Variants in KCNN3 observed in about 807,000 individuals in gnomAD.
KCNN3 encodes potassium calcium-activated channel subfamily N member 3, also known as small conductance calcium-activated potassium channel protein 3.
In KCNN3, 16 loss-of-function variants were observed where a neutral mutation model predicts 62.9. The ratio of observed to expected loss-of-function variants is 0.25; its 90% CI spans 0.17 to 0.39. The LOEUF (loss-of-function observed/expected upper bound fraction) is 0.39. Among genes scored for constraint, KCNN3 ranks in the 10% least tolerant of loss-of-function variants. KCNN3 has a pLI of 1.00. For synonymous variants in KCNN3, 370 were observed against 389.2 expected, an observed-to-expected ratio of 0.95 and a Z score of 0.58; for missense variants, 599 against 949.4, an observed-to-expected ratio of 0.63 and a Z score of 4.85.
At chr1:154,749,808 T>C (rs73005431) in intron 3 of KCNN3, among the ~76,000 whole-genome samples, 3,306 of 152,162 alleles carry the variant, frequency 0.022, 118 homozygotes, top group African/African-American at 0.076. Context: ...GACAGGGATA[T>C]GCACAATAAT....
chr1:154,731,695 G>T (rs1487737998), intron 4 of KCNN3, among the ~76,000 whole-genome samples: 1 of 152,092 alleles, frequency 6.6e-6, no homozygotes, highest in Non-Finnish European at 1.5e-5. Flanking sequence ...GAATCTGAGG[G>T]ATCACTGCAA....
chr1:154,810,129 G>A (rs1045089018), intron 2 of KCNN3, among the ~76,000 whole-genome samples: 1 of 152,186 alleles, frequency 6.6e-6, no homozygotes, highest in African/African-American at 2.4e-5. Context: ...GGGGAGTTTG[G>A]GTGGAAGGCT....
chr1:154,713,810 G>A (rs997337157), intron 6 of KCNN3, among the ~76,000 whole-genome samples: 121 of 151,688 alleles, frequency 8.0e-4, no homozygotes, highest in African/African-American at 2.8e-3. Context: ...CTTCCATGTT[G>A]AGTGCCTTAT....
chr1:154,715,049 T>TTTC, intron 5 of KCNN3, 46 bp from the exon 6 acceptor site: 1 of 1,611,036 alleles, frequency 6.2e-7, no homozygotes, highest in Non-Finnish European at 8.5e-7. Context: ...TTCATTTTCT[T>TTTC]AGGTTCATTT....
chr1:154,772,752 G>A lies in KCNN3; in HGVS notation c.1030-359C>T, dbSNP rs1016599443. 6.6e-5 allele frequency among the ~76,000 whole-genome samples: 10 copies of A among 152,160 alleles called. No individual in the cohort carries two copies. Among genetic ancestry groups the A allele is most frequent in the African/African-American group, 1.7e-4 (7 of 41,420 alleles). Reference sequence around the variant, plus strand: ...GCTCGGAATTTCCAAAGTGATAAGTGTCATTTGTATGCTAATGAGATGACT... The same window carrying A: ...GCTCGGAATTTCCAAAGTGATAAGTATCATTTGTATGCTAATGAGATGACT... On this transcript the variant is annotated intron_variant, in intron 2 of 7. Transcript: ENST00000271915. This position sits in a 1 kb window ranked among gnomAD's most constrained non-coding sequence, Gnocchi z 5.6.
At chr1:154,860,299 G>A (rs1443379291) in intron 1 of KCNN3, among the ~76,000 whole-genome samples, 1 of 152,160 alleles carries the variant, frequency 6.6e-6, no homozygotes, top group Admixed American at 6.5e-5. Flanking sequence ...TTCCTAGTTC[G>A]GCTCTCCCTG....
intron 1 of KCNN3, among the ~76,000 whole-genome samples, chr1:154,847,301 C>T (rs1454636111): frequency 1.3e-5 from 2 of 152,122 alleles, no homozygotes; most frequent in South Asian, 4.2e-4. Context: ...GGCCCCAGAT[C>T]CAGGGCTCTT....
chr1:154,843,473 G>A (rs1651918110), intron 1 of KCNN3, among the ~76,000 whole-genome samples: 1 of 152,062 alleles, frequency 6.6e-6, no homozygotes, highest in African/African-American at 2.4e-5. Context: ...TAATAGAGAT[G>A]GGGTCTGGCT....
Position 154,733,080 on chromosome 1 carries a change from A to G in KCNN3, c.1513T>C (p.Phe505Leu). The G allele has an allele frequency of 6.2e-7, 1 of 1,614,108 alleles. No homozygotes were observed. The highest frequency in any genetic ancestry group is 8.5e-7 in the Non-Finnish European group (1 of 1,179,950). ...ATGTCCCCATAACCAATGGAAAGGA[A>G]TGTGATGGAGATGAGCCACATGGCA... ...LGAMWLISIT[F>L]LSIGYGDMVP... Residue 505 changes from phenylalanine (F) to leucine (L), a missense_variant, in exon 4 of 8, where the codon TTC becomes CTC. Phe to Leu is a conservative substitution (Grantham distance 22). Transcript: ENST00000271915.
intron 7 of KCNN3, among the ~76,000 whole-genome samples, chr1:154,708,689 G>T (rs1700013196): frequency 6.6e-6 from 1 of 151,986 alleles, no homozygotes; most frequent in African/African-American, 2.4e-5. Flanking sequence ...GTAGGCCAGG[G>T]CTCAAGTACA....
At chr1:154,780,490 C>A (rs1648991846) in intron 2 of KCNN3, among the ~76,000 whole-genome samples, 1 of 149,662 alleles carries the variant, frequency 6.7e-6, no homozygotes, top group African/African-American at 2.4e-5. Context: ...GGGAGAAGAA[C>A]TTCCGGGAAA....
intron 3 of KCNN3, among the ~76,000 whole-genome samples, chr1:154,765,762 G>C (rs183970996): frequency 6.6e-6 from 1 of 151,274 alleles, no homozygotes; most frequent in Non-Finnish European, 1.5e-5. Flanking sequence ...TGAGTCTACA[G>C]ATGCACCACC....
At chr1:154,754,929 C>T (rs1445323193) in intron 3 of KCNN3, among the ~76,000 whole-genome samples, 3 of 152,128 alleles carry the variant, frequency 2.0e-5, no homozygotes, top group African/African-American at 7.2e-5. Flanking sequence ...TGAGTTTGAT[C>T]ACAGATTTGA....
chr1:154,840,620 T>G (rs550520715), intron 1 of KCNN3, among the ~76,000 whole-genome samples: 1 of 152,208 alleles, frequency 6.6e-6, no homozygotes, highest in African/African-American at 2.4e-5. Flanking sequence ...ACAAAACGGC[T>G]TCTCCAAGCA....
chr1:154,753,097 A>G (rs1010624466), intron 3 of KCNN3, among the ~76,000 whole-genome samples: 2 of 152,250 alleles, frequency 1.3e-5, no homozygotes, highest in Non-Finnish European at 2.9e-5. Context: ...AATACTGGTA[A>G]CTAAGTGGGA....
intron 3 of KCNN3, among the ~76,000 whole-genome samples, chr1:154,760,899 T>C (rs1647978988): frequency 7.0e-6 from 1 of 143,646 alleles, no homozygotes; most frequent in Non-Finnish European, 1.6e-5. Context: ...CGCGGCCCTG[T>C]CCACCAAGGC....
At chr1:154,715,111 T>A in intron 5 of KCNN3, 108 bp from the exon 6 acceptor site, 1 of 1,362,192 alleles carries the variant, frequency 7.3e-7, no homozygotes, top group Non-Finnish European at 1.0e-6. Context: ...TGCAATGATC[T>A]ATTTTCTTAA....
At chr1:154,713,658 G>T in intron 6 of KCNN3, 125 bp from the exon 7 acceptor site, 1 of 763,158 alleles carries the variant, frequency 1.3e-6, no homozygotes, top group East Asian at 2.6e-5. Context: ...CGTGAACCTG[G>T]GGAACAACTG....
Position 154,822,104 on chromosome 1 carries a change from G to A in KCNN3, c.1014C>T (p.His338=), listed in dbSNP as rs1416889386. 1.9e-6 allele frequency: 3 copies of A among 1,613,524 alleles called. No homozygotes were observed. Among genetic ancestry groups the A allele is most frequent in the Non-Finnish European group, 2.5e-6 (3 of 1,179,406 alleles). Reference sequence around the variant, plus strand: ...GGGCACCTACCTGGACTTCACGTGTGTGGTAGGCGATGATCAAGCCCAAAA... The same window carrying A: ...GGGCACCTACCTGGACTTCACGTGTATGGTAGGCGATGATCAAGCCCAAAA... The part of the protein sequence containing the change: ...IILLGLIIAY[H]TREVQLFVID... Residue 338 remains histidine (H), a synonymous_variant, in exon 2 of 8, where the codon CAC becomes CAT. Transcript: ENST00000271915.
Sources: gnomAD v4.1 joint callset for allele counts (sites outside exome capture counted in the v4.1 genomes callset) on GRCh38, gnomAD v4.1.1 for gene constraint, Gnocchi (gnomAD v3.1) non-coding constraint, MANE v1.5 for transcripts, NCBI Gene and HGNC (gene_info 2026-07-23, HGNC 2026-07-21) for gene names.